TMEM143: variants seen among roughly 807,000 people sequenced by gnomAD.
TMEM143 encodes the protein transmembrane protein 143.
A neutral mutation model predicts 40.3 loss-of-function variants in TMEM143; 45 were observed. That is an observed-to-expected ratio of 1.12 (90% CI 0.88 to 1.43). The LOEUF is 1.43. TMEM143 is among the 40% of genes most tolerant of loss of function. The pLI, the probability that TMEM143 is intolerant of heterozygous loss-of-function variation, is 0.00. For synonymous variants in TMEM143, 299 were observed against 282.7 expected (o/e 1.06, Z -0.58); for missense variants, 620 against 613.4 (o/e 1.01, Z -0.11).
chr19:48,358,149 GC>G (rs1217908851), intron 3 of TMEM143, among the ~76,000 whole-genome samples: 7 of 152,130 alleles, frequency 4.6e-5, no homozygotes, highest in Admixed American at 4.6e-4. Context: ...ACTTTGGGAG[GC>G]CAAGGCAGGT....
At chr19:48,343,902 T>A (rs1438305420) in intron 4 of TMEM143, among the ~76,000 whole-genome samples, 1 of 152,200 alleles carries the variant, frequency 6.6e-6, no homozygotes, top group Non-Finnish European at 1.5e-5. Flanking sequence ...TTATTTCTAT[T>A]TTGAGATATT....
At chr19:48,339,303 TGA>T (rs1969438354) in intron 6 of TMEM143, among the ~76,000 whole-genome samples, 3 of 151,968 alleles carry the variant, frequency 2.0e-5, no homozygotes, top group Non-Finnish European at 2.9e-5. Context: ...TGGCCTACAG[TGA>T]GAGTGAGGGC....
chr19:48,347,244 T>A (rs1969654825), intron 3 of TMEM143, among the ~76,000 whole-genome samples: 1 of 152,120 alleles, frequency 6.6e-6, no homozygotes, highest in South Asian at 2.1e-4. Context: ...TAACCCTCCA[T>A]GTGTCTCTTG....
chr19:48,346,434 C>G (rs1031216096), intron 3 of TMEM143, among the ~76,000 whole-genome samples: 12 of 152,128 alleles, frequency 7.9e-5, no homozygotes, highest in African/African-American at 2.9e-4. Context: ...GGCAAGTTCA[C>G]TTGCTAAACC....
chr19:48,355,992 T>C (rs1344256374), intron 3 of TMEM143, among the ~76,000 whole-genome samples: 4 of 152,244 alleles, frequency 2.6e-5, no homozygotes, highest in Admixed American at 2.6e-4. Context: ...TTGGCAGTAC[T>C]GCTTGCGTGT....
At position 48,332,872 on chromosome 19, in the gene TMEM143, C is replaced by G. The variant is rs898736319; in HGVS notation, c.*347G>C. 1.6e-5 allele frequency: 3 copies of G among 187,558 alleles called. No homozygotes were observed. Among genetic ancestry groups the G allele is most frequent in the African/African-American group, 7.0e-5 (3 of 42,766 alleles). 11.6% of individuals were successfully genotyped at this position (187,558 alleles called of 1,614,324 possible). On this transcript the variant is annotated 3_prime_UTR_variant, in exon 8 of 8. Transcript: ENST00000293261. ...GAGGGCGCAGCTTTAACTCTTCTAC[C>G]TGGCGGTTTACAGAAGCCAGAGCTG...
chr19:48,358,488 C>T (rs1334778027), intron 3 of TMEM143, among the ~76,000 whole-genome samples: 1 of 152,134 alleles, frequency 6.6e-6, no homozygotes, highest in East Asian at 1.9e-4. Flanking sequence ...AGATCTTTCT[C>T]CCCATCCCAC....
At chr19:48,342,451 G>GA (rs1201492360) in intron 6 of TMEM143, 79 bp downstream of exon 6, 2 of 1,480,972 alleles carry the variant, frequency 1.4e-6, no homozygotes, top group Non-Finnish European at 1.8e-6. Context: ...AACAATGCAT[G>GA]AAACAGAGAC....
In TMEM143 at chr19:48,342,615, C is replaced by T. The variant is rs760088406; in HGVS notation, c.890G>A (p.Gly297Asp). 12 of 1,613,688 alleles carry T rather than the reference C, an allele frequency of 7.4e-6. No homozygotes were observed. The African/African-American group carries it at 1.5e-4, about 20-fold the overall frequency. Reference protein sequence around the residue: ...VSGVAIFVNVGMVVLTDLKVA... With the variant: ...VSGVAIFVNVDMVVLTDLKVA... ...CTTGAGGTCGGTTAGCACCACCATG[C>T]CCACGTTGACGAAGATCGCCACGCC... is the stretch of plus-strand genomic sequence containing the variant. The change falls in exon 6 of 8, where the codon GGC becomes GAC. Residue 297 changes from glycine (G) to aspartate (D), a missense_variant. By Grantham distance (94) the Gly-to-Asp change is moderately conservative (BLOSUM62 -1). Coordinates refer to ENST00000293261, the MANE Select transcript of TMEM143 (RefSeq NM_018273.4).
rs777241947 is a variant in TMEM143 at position 48,343,303 on chromosome 19, G to A, written c.695+18C>T. ...CTTGCTCCCTCTTGCTGCAGCTGGG[G>A]AACAAGGGCCGCCTCACCTCTCCGC... On this transcript the variant is annotated intron_variant, in intron 5 of 7. Coordinates refer to ENST00000293261, the MANE Select transcript of TMEM143 (RefSeq NM_018273.4). 1 of 1,607,046 alleles carries A rather than the reference G, an allele frequency of 6.2e-7. No individual in the cohort carries two copies. Among genetic ancestry groups the A allele is most frequent in the Non-Finnish European group, 8.5e-7 (1 of 1,177,686 alleles).
At position 48,342,529 on chromosome 19, in the gene TMEM143, C is replaced by A. The variant is rs1969519261; in HGVS notation, c.975+1G>T. Reference sequence around the variant, plus strand: ...AGGAGGCGTGGCAGGCGCATGCTCACCTTGGAGGCCCGCAGGCCCATGAAG... The same window carrying A: ...AGGAGGCGTGGCAGGCGCATGCTCAACTTGGAGGCCCGCAGGCCCATGAAG... On this transcript the variant is annotated splice_donor_variant, in intron 6 of 7. Coordinates refer to ENST00000293261, the MANE Select transcript of TMEM143 (RefSeq NM_018273.4). LOFTEE classifies it high-confidence loss of function. 2 of 1,603,654 alleles carry A rather than the reference C, an allele frequency of 1.2e-6. No individual in the cohort carries two copies. The highest frequency in any genetic ancestry group is 4.5e-5 in the East Asian group (2 of 44,436).
intron 1 of TMEM143, 77 bp downstream of exon 1, chr19:48,363,821 G>A: frequency 6.2e-7 from 1 of 1,602,544 alleles, no homozygotes; most frequent in Non-Finnish European, 8.5e-7. Context: ...TAGGAGAGCA[G>A]GAAATGCTCG....
At chr19:48,337,552 A>C (rs996224033) in intron 6 of TMEM143, among the ~76,000 whole-genome samples, 3 of 111,498 alleles carry the variant, frequency 2.7e-5, no homozygotes, top group African/African-American at 1.1e-4. Context: ...ATCTCAAAAA[A>C]AGAAGAAAAA....
intron 2 of TMEM143, among the ~76,000 whole-genome samples, chr19:48,361,926 C>T (rs772320936): frequency 6.6e-6 from 1 of 152,178 alleles, no homozygotes; most frequent in African/African-American, 2.4e-5. Context: ...ATTACACGCT[C>T]TTTCTTGGAG....
At chr19:48,361,585 C>T (rs1372609606) in intron 2 of TMEM143, among the ~76,000 whole-genome samples, 2 of 144,070 alleles carry the variant, frequency 1.4e-5, no homozygotes, top group East Asian at 4.2e-4. Context: ...GACTGGAGTG[C>T]AGTGGCACGA....
At chr19:48,343,218 C>T (rs1001283478) in intron 5 of TMEM143, 103 bp downstream of exon 5, 9 of 1,432,334 alleles carry the variant, frequency 6.3e-6, no homozygotes, top group East Asian at 4.9e-5. Flanking sequence ...CTCAACTTCC[C>T]GCCTGGGGCC....
chr19:48,351,870 C>T (rs1285218123), intron 3 of TMEM143, among the ~76,000 whole-genome samples: 2 of 152,054 alleles, frequency 1.3e-5, no homozygotes, highest in Non-Finnish European at 2.9e-5. Context: ...AAAATACAGT[C>T]ATCCCTTGGT....
chr19:48,358,245 G>A (rs549832092), intron 3 of TMEM143, among the ~76,000 whole-genome samples: 2 of 151,924 alleles, frequency 1.3e-5, no homozygotes, highest in African/African-American at 2.4e-5. Context: ...TTAGCCAGGC[G>A]TACTGACACA....
chr19:48,334,273 C>T lies in TMEM143; in HGVS notation c.976-76G>A, dbSNP rs1969292449. The T allele has an allele frequency of 4.8e-6, 7 of 1,455,264 alleles. No individual in the cohort carries two copies. The Admixed American group carries it at 1.5e-4, about 31-fold the overall frequency. 90.1% of individuals were successfully genotyped at this position (1,455,264 alleles called of 1,614,324 possible). On this transcript the variant is annotated intron_variant, in intron 6 of 7. Coordinates refer to ENST00000293261, the MANE Select transcript of TMEM143 (RefSeq NM_018273.4). ...CATACACAGCCCCCGGGGTCACCCC[C>T]GCTGGCACGGCCCACGCCGCTTACT...
Sources: allele counts gnomAD v4.1 joint callset (sites outside exome capture counted in the v4.1 genomes callset), GRCh38; gene constraint gnomAD v4.1.1; transcripts MANE v1.5; gene names NCBI Gene and HGNC (gene_info 2026-07-23, HGNC 2026-07-21).